The following KIAA1328 variants were observed in gnomAD, a reference collection of about 807,000 sequenced individuals.
The protein encoded by KIAA1328 is protein hinderin.
A neutral mutation model predicts 68.1 loss-of-function variants in KIAA1328; 52 were observed. That is an observed-to-expected ratio of 0.76 (90% CI 0.61 to 0.96). KIAA1328 has a LOEUF of 0.96. KIAA1328 is among the 40% of genes least tolerant of loss of function. The pLI, the probability that KIAA1328 is intolerant of heterozygous loss-of-function variation, is 0.00. For synonymous variants in KIAA1328, 232 were observed against 239.4 expected, an observed-to-expected ratio of 0.97 and a Z score of 0.28; for missense variants, 641 against 677.6, an observed-to-expected ratio of 0.95 and a Z score of 0.60.
chr18:36,883,226 A>G (rs2048378145), intron 4 of KIAA1328, among the ~76,000 whole-genome samples: 1 of 152,218 alleles, frequency 6.6e-6, no homozygotes, highest in African/African-American at 2.4e-5. Context: ...TAATACAAAC[A>G]TTCGAAATCT....
intron 4 of KIAA1328, among the ~76,000 whole-genome samples, chr18:36,864,207 G>T (rs913280084): frequency 2.0e-5 from 3 of 151,806 alleles, no homozygotes; most frequent in African/African-American, 7.3e-5. Flanking sequence ...ATGATTACAT[G>T]AGTTTTCTTT....
chr18:36,987,975 T>C (rs1220359552), intron 6 of KIAA1328, among the ~76,000 whole-genome samples: 1 of 152,142 alleles, frequency 6.6e-6, no homozygotes, highest in Non-Finnish European at 1.5e-5. Flanking sequence ...GTGCATGATA[T>C]ATTTAATACT....
chr18:36,973,508 T>C lies in KIAA1328; in HGVS notation c.576+14073T>C, dbSNP rs150316667. Among the ~76,000 whole-genome samples, 255 of 152,256 alleles carry C rather than the reference T, an allele frequency of 1.7e-3. 1 individual carries two copies. The highest frequency in any genetic ancestry group is 3.4e-3 in the Middle Eastern group (1 of 294). On this transcript the variant is annotated intron_variant, in intron 6 of 9. Transcript: ENST00000280020. ...AAAAAATTTTGCTTTTTATGTTTTA[T>C]GGCCATTTATTTATTCAGATAATGA...
intron 5 of KIAA1328, among the ~76,000 whole-genome samples, chr18:36,951,472 A>G (rs1218152091): frequency 3.3e-5 from 5 of 152,202 alleles, no homozygotes; most frequent in Admixed American, 6.5e-5. Context: ...GAATGAGTGA[A>G]TTAATGAACA....
At chr18:37,147,111 G>A (rs2058920593) in intron 7 of KIAA1328, among the ~76,000 whole-genome samples, 1 of 152,122 alleles carries the variant, frequency 6.6e-6, no homozygotes, top group Admixed American at 6.6e-5. Flanking sequence ...AATGGAAACA[G>A]ACTGAGGCAC....
rs561697603 is a variant in KIAA1328, at chr18:37,028,653, T to C, written c.577-38237T>C. Among the ~76,000 whole-genome samples the C allele has an allele frequency of 2.0e-5, 3 of 152,266 alleles. No individual in the cohort carries two copies. The South Asian group carries it at 6.2e-4, about 32-fold the overall frequency. On this transcript the variant is annotated intron_variant, in intron 6 of 9. Transcript: ENST00000280020. ...TTTTTCCCATTAGTATGATGCTGGC[T>C]GTGGGTTTATCATAGATGGCTCTTT...
At chr18:36,978,460 C>T (rs188886640) in intron 6 of KIAA1328, among the ~76,000 whole-genome samples, 8 of 152,308 alleles carry the variant, frequency 5.3e-5, no homozygotes, top group African/African-American at 1.9e-4. Context: ...CAGCGAAGGG[C>T]CAACTGTGTA....
chr18:37,171,723 A>T (rs2059503318), intron 8 of KIAA1328, among the ~76,000 whole-genome samples: 1 of 152,216 alleles, frequency 6.6e-6, no homozygotes, highest in Non-Finnish European at 1.5e-5. Context: ...ATAATAGATC[A>T]GTGGGACCCT....
At chr18:37,055,059 G>A (rs1013034246) in intron 6 of KIAA1328, among the ~76,000 whole-genome samples, 1 of 152,054 alleles carries the variant, frequency 6.6e-6, no homozygotes, top group Admixed American at 6.6e-5. Context: ...ATCCCTATGG[G>A]AACTAGAATA....
At chr18:37,187,544 C>T (rs956676162) in intron 9 of KIAA1328, among the ~76,000 whole-genome samples, 1 of 152,110 alleles carries the variant, frequency 6.6e-6, no homozygotes, top group Non-Finnish European at 1.5e-5. Context: ...AATAACCCAT[C>T]CTTTCTACAT....
intron 6 of KIAA1328, among the ~76,000 whole-genome samples, chr18:37,024,692 A>G (rs2054495059): frequency 6.6e-6 from 1 of 152,098 alleles, no homozygotes; most frequent in Non-Finnish European, 1.5e-5. Context: ...CTGTGTACCT[A>G]CAAAGGACAT....
intron 7 of KIAA1328, among the ~76,000 whole-genome samples, chr18:37,122,837 A>G (rs779607883): frequency 5.3e-5 from 8 of 152,134 alleles, no homozygotes; most frequent in Non-Finnish European, 1.0e-4. Context: ...GAAGTGAAGG[A>G]AAGAGTGATG....
chr18:37,216,899 CTTT>C (rs762745405), intron 9 of KIAA1328, among the ~76,000 whole-genome samples: 2 of 90,356 alleles, frequency 2.2e-5, no homozygotes, highest in African/African-American at 4.4e-5. Context: ...TTCTTTGTCT[CTTT>C]TTTTTTTTTT....
chr18:37,015,817 A>T (rs1340450747), intron 6 of KIAA1328, among the ~76,000 whole-genome samples: 1 of 152,332 alleles, frequency 6.6e-6, no homozygotes, highest in East Asian at 1.9e-4. Flanking sequence ...TTGTTGGTGT[A>T]TAGAAATGCT....
intron 9 of KIAA1328, among the ~76,000 whole-genome samples, chr18:37,190,571 G>A (rs1324028579): frequency 6.6e-6 from 1 of 152,094 alleles, no homozygotes; most frequent in African/African-American, 2.4e-5. Context: ...GGACAGCTTT[G>A]GCAAACCACA....
Position 37,225,231 on chromosome 18 carries a change from C to T in KIAA1328, c.*3004C>T, listed in dbSNP as rs2017027. On this transcript the variant is annotated 3_prime_UTR_variant, in exon 10 of 10. Coordinates refer to ENST00000280020, the MANE Select transcript of KIAA1328 (RefSeq NM_020776.3). Reference sequence around the variant, plus strand: ...GGAGGCTGTGGCGGACTCCTTCCAACTCACGATTTATCCTCAGCTCAGAGT... The same window carrying T: ...GGAGGCTGTGGCGGACTCCTTCCAATTCACGATTTATCCTCAGCTCAGAGT... 127,525 of 985,326 alleles carry T rather than the reference C, an allele frequency of 0.13. 8,688 individuals are homozygous for T. The highest frequency in any genetic ancestry group is 0.14 in the Non-Finnish European group (112,877 of 829,868). 61.0% of individuals were successfully genotyped at this position (985,326 alleles called of 1,614,324 possible).
chr18:36,846,446 A>T (rs1243960190), intron 4 of KIAA1328, among the ~76,000 whole-genome samples: 1 of 151,550 alleles, frequency 6.6e-6, no homozygotes, highest in African/African-American at 2.4e-5. Flanking sequence ...TTGCTTATCA[A>T]TCTGTTTATT....
intron 9 of KIAA1328, chr18:37,193,504 T>G: frequency 1.5e-6 from 1 of 663,128 alleles, no homozygotes; most frequent in South Asian, 1.6e-5. Flanking sequence ...CAGGAAAAAC[T>G]TTTACAGTTT....
At chr18:36,955,954 A>G (rs1285291720) in intron 5 of KIAA1328, 6 of 152,066 alleles carry the variant, frequency 3.9e-5, no homozygotes, top group Admixed American at 3.9e-4. Flanking sequence ...AGTTAAAATA[A>G]TCTTTCCTTA....
Sources: allele counts gnomAD v4.1 joint callset (sites outside exome capture counted in the v4.1 genomes callset), GRCh38; gene constraint gnomAD v4.1.1; transcripts MANE v1.5; gene names NCBI Gene and HGNC (gene_info 2026-07-23, HGNC 2026-07-21).